The following MACROD2 variants were observed in gnomAD, a reference collection of about 807,000 sequenced individuals.
The protein encoded by MACROD2 is mono-ADP ribosylhydrolase 2.
Under a neutral mutation model 70.4 loss-of-function variants are expected in MACROD2, and 36 were observed. That is an observed-to-expected ratio of 0.51 (90% CI 0.39 to 0.68). MACROD2 has a LOEUF of 0.68. Ranked by LOEUF, MACROD2 falls within the 30% of genes least tolerant of loss-of-function variation. MACROD2 has a pLI of 0.00. For synonymous variants in MACROD2, 172 were observed against 178.8 expected, an observed-to-expected ratio of 0.96 and a Z score of 0.30; for missense variants, 496 against 538.4, an observed-to-expected ratio of 0.92 and a Z score of 0.78.
chr20:14,340,511 A>G (rs2083002008), intron 3 of MACROD2, among the ~76,000 whole-genome samples: 1 of 152,130 alleles, frequency 6.6e-6, no homozygotes, highest in Non-Finnish European at 1.5e-5. Context: ...GAATTTTTCA[A>G]ATTTCTCTTT....
At chr20:15,144,816 T>C (rs1353885002) in intron 5 of MACROD2, among the ~76,000 whole-genome samples, 1 of 152,206 alleles carries the variant, frequency 6.6e-6, no homozygotes, top group Non-Finnish European at 1.5e-5. Flanking sequence ...AAGCGGTTGC[T>C]GTCCTGGAAG....
At chr20:14,978,183 T>G (rs1040893296) in intron 5 of MACROD2, among the ~76,000 whole-genome samples, 3 of 152,150 alleles carry the variant, frequency 2.0e-5, no homozygotes, top group African/African-American at 7.2e-5. Flanking sequence ...AGTGAGAAGC[T>G]AATTTACCTG....
chr20:15,780,156 T>G (rs899934362), intron 8 of MACROD2, among the ~76,000 whole-genome samples: 1 of 152,166 alleles, frequency 6.6e-6, no homozygotes, highest in African/African-American at 2.4e-5. Context: ...ACCAACATTT[T>G]ATGGCCTAGC....
At chr20:15,540,654 C>G (rs1364627708) in intron 8 of MACROD2, among the ~76,000 whole-genome samples, 4 of 152,182 alleles carry the variant, frequency 2.6e-5, no homozygotes, top group African/African-American at 7.2e-5. Context: ...GCAGCTTAAA[C>G]AATAGAAACA....
chr20:15,116,368 C>T (rs1224825291), intron 5 of MACROD2, among the ~76,000 whole-genome samples: 1 of 152,134 alleles, frequency 6.6e-6, no homozygotes, highest in Non-Finnish European at 1.5e-5. Context: ...TTAGGCCAGT[C>T]ACGGTGGCCC....
intron 7 of MACROD2, among the ~76,000 whole-genome samples, chr20:15,492,391 G>T (rs2047243087): frequency 6.6e-6 from 1 of 152,094 alleles, no homozygotes; most frequent in Non-Finnish European, 1.5e-5. Context: ...GCATGGTAGG[G>T]TGTGCGTGTG....
intron 4 of MACROD2, among the ~76,000 whole-genome samples, chr20:14,629,918 A>G (rs150192917): frequency 1.3e-5 from 2 of 151,862 alleles, no homozygotes; most frequent in Non-Finnish European, 2.9e-5. Context: ...AAGCAGTCAG[A>G]GCATTAGCTA....
chr20:15,166,207 C>T (rs1032469242), intron 5 of MACROD2, among the ~76,000 whole-genome samples: 3 of 152,142 alleles, frequency 2.0e-5, no homozygotes, highest in Admixed American at 1.3e-4. Context: ...GATTTTACTA[C>T]AGTGGACTGA....
intron 3 of MACROD2, among the ~76,000 whole-genome samples, chr20:14,112,161 A>C (rs1291019239): frequency 1.3e-5 from 2 of 151,956 alleles, no homozygotes; most frequent in African/African-American, 4.8e-5. Flanking sequence ...AAAAAATCAA[A>C]ACAATTGAAT....
At chr20:14,563,840 A>G (rs1181114357) in intron 4 of MACROD2, among the ~76,000 whole-genome samples, 1 of 152,026 alleles carries the variant, frequency 6.6e-6, no homozygotes, top group African/African-American at 2.4e-5. Context: ...CAGAATTAGA[A>G]AAAACAATCC....
chr20:16,024,587 C>G (rs1344798994), intron 15 of MACROD2, among the ~76,000 whole-genome samples: 2 of 152,070 alleles, frequency 1.3e-5, no homozygotes, highest in Non-Finnish European at 2.9e-5. Context: ...AGGACATTGA[C>G]TGGTAAAGGA....
intron 15 of MACROD2, among the ~76,000 whole-genome samples, chr20:15,998,429 T>G (rs1249440261): frequency 2.6e-5 from 4 of 152,204 alleles, no homozygotes; most frequent in African/African-American, 9.6e-5. Flanking sequence ...TTCTAGCAAT[T>G]TATTCATTTC....
intron 2 of MACROD2, among the ~76,000 whole-genome samples, chr20:14,074,871 G>A (rs576791839): frequency 9.9e-5 from 15 of 152,128 alleles, no homozygotes; most frequent in Middle Eastern, 3.2e-3. Flanking sequence ...TTTAAATTTT[G>A]TGCTATTCTG....
In MACROD2 at chr20:14,262,046, A is replaced by G. The variant is rs575862621; in HGVS notation, c.271+176318A>G. ...ATGTTTCTTTGGTGATAGAGATGCA[A>G]GAAAGGGAAGGCTTTACCAGGTAGA... On this transcript the variant is annotated intron_variant, in intron 3 of 17. Coordinates refer to ENST00000684519, the MANE Select transcript of MACROD2 (RefSeq NM_001351661.2). Among the ~76,000 whole-genome samples, 3 of 152,336 alleles carry G rather than the reference A, an allele frequency of 2.0e-5. No homozygotes were observed. The South Asian group carries it at 6.2e-4, about 32-fold the overall frequency.
At chr20:14,357,607 G>C (rs1435597339) in intron 3 of MACROD2, among the ~76,000 whole-genome samples, 1 of 152,182 alleles carries the variant, frequency 6.6e-6, no homozygotes, top group Non-Finnish European at 1.5e-5. Flanking sequence ...GTTAAATGTA[G>C]TGGTTCCTCA....
intron 5 of MACROD2, among the ~76,000 whole-genome samples, chr20:15,095,064 CTTTTTTT>C (rs373794823): frequency 4.4e-4 from 39 of 89,286 alleles, no homozygotes; most frequent in African/African-American, 1.3e-3. Context: ...GTCTCCTCTT[CTTTTTTT>C]TTTTTTTTTT....
At chr20:14,854,682 C>T (rs961468210) in intron 5 of MACROD2, among the ~76,000 whole-genome samples, 6 of 152,092 alleles carry the variant, frequency 3.9e-5, no homozygotes, top group Non-Finnish European at 7.4e-5. Context: ...ATGCAGGTTT[C>T]GTGGGGACTA....
chr20:15,413,433 G>C (rs1351918870), intron 6 of MACROD2, among the ~76,000 whole-genome samples: 2 of 152,122 alleles, frequency 1.3e-5, no homozygotes, highest in Non-Finnish European at 2.9e-5. Flanking sequence ...TATGAAAATG[G>C]TTCATTGTGT....
chr20:14,308,418 A>G (rs751023147), intron 3 of MACROD2, among the ~76,000 whole-genome samples: 1 of 152,106 alleles, frequency 6.6e-6, no homozygotes, highest in Non-Finnish European at 1.5e-5. Flanking sequence ...AGATCATTTT[A>G]TTGAACTCAG....
Sources: allele counts gnomAD v4.1 joint callset (sites outside exome capture counted in the v4.1 genomes callset), GRCh38; gene constraint gnomAD v4.1.1; transcripts MANE v1.5; gene names NCBI Gene and HGNC (gene_info 2026-07-23, HGNC 2026-07-21).